The following TRDN variants were observed in gnomAD, a reference collection of about 807,000 sequenced individuals.
TRDN encodes triadin in skeletal muscle.
Under a neutral mutation model 149.7 loss-of-function variants are expected in TRDN, and 161 were observed. That is an observed-to-expected ratio of 1.08 (90% confidence interval 0.95 to 1.23). The LOEUF is 1.23. Among genes scored for constraint, TRDN ranks in the 50% most tolerant of loss-of-function variants. TRDN has a pLI of 0.00. For synonymous variants in TRDN, 294 were observed against 250.5 expected (o/e 1.17, Z -1.64); for missense variants, 896 against 823.5 (o/e 1.09, Z -1.08).
intron 24 of TRDN, among the ~76,000 whole-genome samples, chr6:123,292,672 C>A (rs1419000556): frequency 1.3e-5 from 2 of 152,106 alleles, no homozygotes; most frequent in Admixed American, 6.6e-5. Context: ...TTGAGTACCC[C>A]CTCTGCTGTT....
intron 10 of TRDN, among the ~76,000 whole-genome samples, chr6:123,446,462 G>A (rs1322341916): frequency 6.6e-6 from 1 of 151,842 alleles, no homozygotes; most frequent in East Asian, 1.9e-4. Context: ...GTGGGCACCT[G>A]TAGCCCCAGC....
intron 33 of TRDN, among the ~76,000 whole-genome samples, chr6:123,261,846 A>C (rs144787826): frequency 6.6e-6 from 1 of 151,942 alleles, no homozygotes; most frequent in Admixed American, 6.6e-5. Context: ...GCAGTATTAC[A>C]AACTATACTA....
intron 34 of TRDN, among the ~76,000 whole-genome samples, chr6:123,260,324 C>A (rs571155416): frequency 6.6e-6 from 1 of 152,026 alleles, no homozygotes; most frequent in Admixed American, 6.6e-5. Context: ...GTTTTCAAAG[C>A]AGTCTTGGTA....
intron 10 of TRDN, among the ~76,000 whole-genome samples, chr6:123,448,181 GA>G (rs1775515068): frequency 6.6e-6 from 1 of 152,180 alleles, no homozygotes; most frequent in Admixed American, 6.5e-5. Context: ...ACCACAGGGA[GA>G]AGAAAATCTC....
chr6:123,496,670 C>T (rs1422534615), intron 9 of TRDN, among the ~76,000 whole-genome samples: 1 of 152,038 alleles, frequency 6.6e-6, no homozygotes, highest in East Asian at 1.9e-4. Flanking sequence ...AATCCTTCCC[C>T]ATTGTTTTGA....
intron 35 of TRDN, among the ~76,000 whole-genome samples, chr6:123,259,393 A>G (rs1368339896): frequency 1.3e-5 from 2 of 152,098 alleles, no homozygotes; most frequent in Non-Finnish European, 2.9e-5. Flanking sequence ...TAACAGGTAG[A>G]GTCTGCTTTC....
intron 9 of TRDN, among the ~76,000 whole-genome samples, chr6:123,478,558 A>G (rs1777603836): frequency 6.6e-6 from 1 of 152,234 alleles, no homozygotes; most frequent in South Asian, 2.1e-4. Context: ...ATATAGGTAA[A>G]TAGGTAAATA....
rs1024236600 is a variant in TRDN, at chr6:123,216,419, T to A, written c.*2182A>T. On this transcript the variant is annotated 3_prime_UTR_variant, in exon 41 of 41. Transcript: ENST00000334268. The stretch of plus-strand genomic sequence containing the variant: ...AGATAATATTTTTAAAGTGCTATGA[T>A]CATTGTAACTTTAATCAGATAAAAC... 6.6e-6 allele frequency: 1 copy of A among 152,002 alleles called. No individual in the cohort carries two copies. 9.4% of individuals were successfully genotyped at this position (152,002 alleles called of 1,614,324 possible).
intron 12 of TRDN, among the ~76,000 whole-genome samples, chr6:123,394,245 GT>G (rs532361115): frequency 1.1e-4 from 17 of 151,390 alleles, no homozygotes; most frequent in African/African-American, 3.6e-4. Flanking sequence ...CTTGTTCTAA[GT>G]TTTTTTTGCT....
At chr6:123,399,504 T>C (rs1772874686) in intron 12 of TRDN, among the ~76,000 whole-genome samples, 1 of 152,206 alleles carries the variant, frequency 6.6e-6, no homozygotes, top group African/African-American at 2.4e-5. Flanking sequence ...GCAGATTACA[T>C]TTAGACTAAG....
At chr6:123,314,380 G>T (rs1033807851) in intron 24 of TRDN, among the ~76,000 whole-genome samples, 2 of 151,946 alleles carry the variant, frequency 1.3e-5, no homozygotes, top group East Asian at 3.9e-4. Context: ...AAAAAGGAAC[G>T]CATATACAAT....
At chr6:123,330,453 A>G (rs1215253982) in intron 23 of TRDN, among the ~76,000 whole-genome samples, 2 of 152,004 alleles carry the variant, frequency 1.3e-5, no homozygotes, top group Non-Finnish European at 2.9e-5. Context: ...ATTTAACATA[A>G]CATATATGAA....
chr6:123,326,214 T>C (rs991534240), intron 23 of TRDN, among the ~76,000 whole-genome samples: 2 of 152,140 alleles, frequency 1.3e-5, no homozygotes, highest in African/African-American at 4.8e-5. Flanking sequence ...AAATTCAGAA[T>C]ACAGGTTCAC....
At chr6:123,249,095 C>T (rs979289436) in intron 38 of TRDN, among the ~76,000 whole-genome samples, 7 of 151,996 alleles carry the variant, frequency 4.6e-5, no homozygotes, top group Non-Finnish European at 8.8e-5. Context: ...TACATCACAT[C>T]AACAGATTGA....
At chr6:123,598,690 G>A (rs765732464) in intron 1 of TRDN, among the ~76,000 whole-genome samples, 6 of 152,022 alleles carry the variant, frequency 3.9e-5, no homozygotes, top group African/African-American at 9.6e-5. Flanking sequence ...TTGTCTATGC[G>A]TTCCTCCCAC....
intron 23 of TRDN, among the ~76,000 whole-genome samples, chr6:123,325,313 T>A (rs1779400382): frequency 6.6e-6 from 1 of 152,050 alleles, no homozygotes; most frequent in Admixed American, 6.6e-5. Flanking sequence ...CAGGGCAGAA[T>A]TAAATCATGC....
chr6:123,608,858 A>G (rs1784650416), intron 1 of TRDN, among the ~76,000 whole-genome samples: 2 of 151,324 alleles, frequency 1.3e-5, no homozygotes, highest in African/African-American at 4.8e-5. Flanking sequence ...TCATTTCTGT[A>G]TTGTTTATAC....
chr6:123,522,266 A>G (rs1334159291), intron 5 of TRDN, among the ~76,000 whole-genome samples: 1 of 152,230 alleles, frequency 6.6e-6, no homozygotes, highest in Non-Finnish European at 1.5e-5. Context: ...AAAAGTTCAC[A>G]TATTTAGTTA....
At chr6:123,405,204 G>A (rs1384078412) in intron 12 of TRDN, among the ~76,000 whole-genome samples, 5 of 152,200 alleles carry the variant, frequency 3.3e-5, no homozygotes, top group Non-Finnish European at 7.3e-5. Context: ...ACCATATTGA[G>A]TCAATATTCA....
Sources: gnomAD v4.1 joint callset for allele counts (sites outside exome capture counted in the v4.1 genomes callset) on GRCh38, gnomAD v4.1.1 for gene constraint, MANE v1.5 for transcripts, NCBI Gene and HGNC (gene_info 2026-07-23, HGNC 2026-07-21) for gene names.